The following HACD2 variants were observed in gnomAD, a reference collection of about 807,000 sequenced individuals.
HACD2 encodes the protein 3-hydroxyacyl-CoA dehydratase 2.
HACD2 carries 15 observed loss-of-function variants against 31.0 expected under a neutral mutation model. That is an observed-to-expected ratio of 0.48 (90% confidence interval 0.32 to 0.75). The LOEUF is 0.75. Among genes scored for constraint, HACD2 ranks in the 30% least tolerant of loss-of-function variants. The pLI is 0.03. For missense variants in HACD2, 283 were observed against 313.0 expected (o/e 0.90, Z 0.72); for synonymous variants, 115 against 122.2 (o/e 0.94, Z 0.39).
intron 4 of HACD2, among the ~76,000 whole-genome samples, chr3:123,509,790 C>T (rs1393137584): frequency 6.6e-6 from 1 of 152,094 alleles, no homozygotes; most frequent in Non-Finnish European, 1.5e-5. Flanking sequence ...AGCAACCGCA[C>T]CTGGCCCCTG....
Position 123,491,889 on chromosome 3 carries a change from C to G in HACD2, c.*2999G>C, listed in dbSNP as rs1248069387. On this transcript the variant is annotated 3_prime_UTR_variant, in exon 7 of 7. Coordinates refer to ENST00000383657, the MANE Select transcript of HACD2 (RefSeq NM_198402.5). ...AATTTAATGTTTTATAATGTTTTAT[C>G]TGAAACTCAGAACTGCAAGTAATTT... is the stretch of plus-strand genomic sequence containing the variant. 1 of 152,310 alleles carries G rather than the reference C, an allele frequency of 6.6e-6. No homozygotes were observed. The highest frequency in any genetic ancestry group is 1.5e-5 in the Non-Finnish European group (1 of 68,016). 9.4% of individuals were successfully genotyped at this position (152,310 alleles called of 1,614,324 possible).
In HACD2 at chr3:123,494,345, A is replaced by G. The variant is rs2055806592; in HGVS notation, c.*543T>C. ...CATAGACATATACATTTTATAATTCATTCATTAGATGTGAGGGGATAGGTC... is the reference window on the plus strand; with the variant it reads ...CATAGACATATACATTTTATAATTCGTTCATTAGATGTGAGGGGATAGGTC... On this transcript the variant is annotated 3_prime_UTR_variant, in exon 7 of 7. Coordinates refer to ENST00000383657, the MANE Select transcript of HACD2 (RefSeq NM_198402.5). 1 of 155,186 alleles carries G rather than the reference A, an allele frequency of 6.4e-6. No individual in the cohort carries two copies. Among genetic ancestry groups the G allele is most frequent in the Non-Finnish European group, 1.4e-5 (1 of 70,430 alleles). The allele number at this position is 155,186 out of a possible 1,614,324, so 9.6% of individuals were successfully genotyped here. A position where few individuals can be genotyped will look rare whatever the true frequency, so the allele number is the denominator to read the frequency against.
At chr3:123,573,216 C>T (rs946296793) in intron 2 of HACD2, among the ~76,000 whole-genome samples, 7 of 152,146 alleles carry the variant, frequency 4.6e-5, no homozygotes, top group African/African-American at 1.7e-4. Context: ...AATATATAGT[C>T]TTCAAGGATA....
chr3:123,551,292 T>C (rs974945722), intron 3 of HACD2, among the ~76,000 whole-genome samples: 1 of 152,078 alleles, frequency 6.6e-6, no homozygotes, highest in Non-Finnish European at 1.5e-5. Flanking sequence ...GCTTTGTCAG[T>C]GCCACGCCTG....
intron 4 of HACD2, among the ~76,000 whole-genome samples, chr3:123,512,202 A>G (rs773436628): frequency 7.9e-5 from 12 of 152,220 alleles, no homozygotes; most frequent in Non-Finnish European, 1.6e-4. Context: ...CTAAAAATCT[A>G]TCTCGAAAGC....
intron 1 of HACD2, among the ~76,000 whole-genome samples, chr3:123,583,847 G>A (rs538013802): frequency 1.9e-4 from 29 of 152,292 alleles, no homozygotes; most frequent in Admixed American, 7.2e-4. Context: ...GATTTTCACT[G>A]TATTCCCTCA....
chr3:123,510,209 G>A (rs2056038882), intron 4 of HACD2, among the ~76,000 whole-genome samples: 1 of 152,088 alleles, frequency 6.6e-6, no homozygotes, highest in Admixed American at 6.5e-5. Flanking sequence ...CTAAGAATTT[G>A]TTAATTCTAG....
At position 123,582,225 on chromosome 3, in the gene HACD2, C is replaced by T; in HGVS notation, c.260G>A (p.Gly87Glu). ...CTCAGGACCTACCTCCAATAAGGCT[C>T]CAGTTTGAAAGAATTTCAAAGGCTT... ...IEKPLKFFQT[G>E]ALLEILHCAI... The change falls in exon 2 of 7, where the codon GGA (glycine) becomes GAA (glutamate). Residue 87 changes from glycine (G) to glutamate (E), a missense_variant. Physicochemically the swap from Gly to Glu is moderately conservative, Grantham distance 98 (BLOSUM62 -2). Coordinates refer to ENST00000383657, the MANE Select transcript of HACD2 (RefSeq NM_198402.5). 1 of 1,586,994 alleles carries T rather than the reference C, an allele frequency of 6.3e-7. No individual in the cohort carries two copies. Among genetic ancestry groups the T allele is most frequent in the Non-Finnish European group, 8.6e-7 (1 of 1,166,456 alleles).
At chr3:123,507,046 C>A (rs1305655262) in intron 4 of HACD2, among the ~76,000 whole-genome samples, 2 of 152,148 alleles carry the variant, frequency 1.3e-5, no homozygotes, top group African/African-American at 4.8e-5. Flanking sequence ...TCACTTGAGG[C>A]CAGGAGCTGC....
At chr3:123,569,499 C>G (rs2056829852) in intron 2 of HACD2, among the ~76,000 whole-genome samples, 1 of 152,134 alleles carries the variant, frequency 6.6e-6, no homozygotes, top group Non-Finnish European at 1.5e-5. Context: ...GTAGCTGGGA[C>G]TACAGGCAAT....
rs888573040 is a variant in HACD2, at chr3:123,492,362, C to T, written c.*2526G>A. 6.6e-6 allele frequency: 1 copy of T among 152,194 alleles called. No individual in the cohort carries two copies. Among genetic ancestry groups the T allele is most frequent in the Non-Finnish European group, 1.5e-5 (1 of 68,040 alleles). The allele number at this position is 152,194 out of a possible 1,614,324, so 9.4% of individuals were successfully genotyped here. A position where few individuals can be genotyped will look rare whatever the true frequency, so the allele number is the denominator to read the frequency against. On this transcript the variant is annotated 3_prime_UTR_variant, in exon 7 of 7. Coordinates refer to ENST00000383657, the MANE Select transcript of HACD2 (RefSeq NM_198402.5). ...GACAAAATACCCACAAAAACATGAC[C>T]TTCCTTGTTCACACTTTATAAGAAG... is the stretch of plus-strand genomic sequence containing the variant.
chr3:123,498,786 G>A (rs908344678), intron 6 of HACD2, among the ~76,000 whole-genome samples: 8 of 152,176 alleles, frequency 5.3e-5, no homozygotes, highest in Admixed American at 5.2e-4. Context: ...TCAAGACCAA[G>A]ATGAAAAGCT....
At chr3:123,573,922 G>C (rs1215505312) in intron 2 of HACD2, among the ~76,000 whole-genome samples, 1 of 151,970 alleles carries the variant, frequency 6.6e-6, no homozygotes, top group African/African-American at 2.4e-5. Flanking sequence ...TTTTGATAGT[G>C]AAATGTTGAA....
At chr3:123,528,229 A>C (rs1444321708) in intron 4 of HACD2, among the ~76,000 whole-genome samples, 157 bp downstream of exon 4, 1 of 152,154 alleles carries the variant, frequency 6.6e-6, no homozygotes, top group African/African-American at 2.4e-5. Context: ...CCCACTATTA[A>C]CCCAGTTCCT....
chr3:123,584,563 G>C (rs2057004120), intron 1 of HACD2: 2 of 242,030 alleles, frequency 8.3e-6, no homozygotes, highest in East Asian at 8.3e-5. Context: ...CGCTGCCCCC[G>C]GCCCCGCACC....
intron 3 of HACD2, chr3:123,543,683 C>A (rs893064292): frequency 2.4e-6 from 1 of 422,460 alleles, no homozygotes; most frequent in Non-Finnish European, 4.7e-6. Context: ...CTGTCAGAAT[C>A]CAAATGATAG....
chr3:123,576,481 T>A (rs1438476317), intron 2 of HACD2, among the ~76,000 whole-genome samples: 2 of 152,200 alleles, frequency 1.3e-5, no homozygotes, highest in Non-Finnish European at 2.9e-5. Context: ...AAGCTGGTTT[T>A]TCTGGGATTT....
Position 123,500,496 on chromosome 3 carries a change from C to A in HACD2, c.682+19G>T. ...AAATTTTAAAACATAATTAAATATA[C>A]GCATAACTGTTTACTTACTTGGAAT... is the stretch of plus-strand genomic sequence containing the variant. On this transcript the variant is annotated intron_variant, in intron 6 of 6. Transcript: ENST00000383657. 2 of 1,525,738 alleles carry A rather than the reference C, an allele frequency of 1.3e-6. No individual in the cohort carries two copies. Among genetic ancestry groups the A allele is most frequent in the Non-Finnish European group, 1.8e-6 (2 of 1,112,308 alleles). 94.5% of individuals were successfully genotyped at this position (1,525,738 alleles called of 1,614,324 possible). A position where few individuals can be genotyped will look rare whatever the true frequency, so the allele number is the denominator to read the frequency against.
At chr3:123,573,896 T>C (rs916099890) in intron 2 of HACD2, among the ~76,000 whole-genome samples, 3 of 152,222 alleles carry the variant, frequency 2.0e-5, no homozygotes, top group Non-Finnish European at 4.4e-5. Flanking sequence ...AATTCATTAT[T>C]TGCTTAATTT....
Sources: allele counts gnomAD v4.1 joint callset (sites outside exome capture counted in the v4.1 genomes callset), GRCh38; gene constraint gnomAD v4.1.1; transcripts MANE v1.5; gene names NCBI Gene and HGNC (gene_info 2026-07-23, HGNC 2026-07-21).